The following SMURF2 variants were observed in gnomAD, a reference collection of about 807,000 sequenced individuals.
The protein encoded by SMURF2 is SMAD specific E3 ubiquitin protein ligase 2.
A neutral mutation model predicts 109.6 loss-of-function variants in SMURF2; 48 were observed. The observed-to-expected ratio is 0.44, with a 90% CI of 0.35 to 0.56. The LOEUF is 0.56. Ranked by LOEUF, SMURF2 falls within the 20% of genes least tolerant of loss-of-function variation. The probability of loss-of-function intolerance (pLI) is 0.01; values close to 1 mark genes in which losing one functional copy is unlikely to be tolerated. For missense variants in SMURF2, 575 were observed against 909.0 expected, an observed-to-expected ratio of 0.63 and a Z score of 4.72; for synonymous variants, 288 against 317.1, an observed-to-expected ratio of 0.91 and a Z score of 0.97.
intron 10 of SMURF2, among the ~76,000 whole-genome samples, chr17:64,568,560 T>A (rs1240644035): frequency 6.6e-6 from 1 of 152,174 alleles, no homozygotes; most frequent in Non-Finnish European, 1.5e-5. Flanking sequence ...CACGTCTTCT[T>A]AAGTAATTCA....
intron 1 of SMURF2, among the ~76,000 whole-genome samples, chr17:64,625,455 A>T (rs1485374916): frequency 2.0e-5 from 3 of 152,236 alleles, no homozygotes; most frequent in Non-Finnish European, 4.4e-5. Context: ...TGTTCAAAAA[A>T]TTGCTATGCA....
intron 1 of SMURF2, among the ~76,000 whole-genome samples, chr17:64,636,829 C>A (rs578246162): frequency 6.6e-6 from 1 of 151,242 alleles, no homozygotes; most frequent in Admixed American, 6.6e-5. Context: ...TATACTAGAC[C>A]CTTATCAGGT....
intron 3 of SMURF2, among the ~76,000 whole-genome samples, chr17:64,597,418 A>T (rs1969833169): frequency 6.6e-6 from 1 of 152,110 alleles, no homozygotes; most frequent in South Asian, 2.1e-4. Flanking sequence ...TTCTAATTTT[A>T]AAAGAATTTT....
In SMURF2 at chr17:64,600,355, C is replaced by A. The variant is rs1969877328; in HGVS notation, c.92-1865G>T. On this transcript the variant is annotated intron_variant, in intron 2 of 18. Transcript: ENST00000262435. ...GGTGGAACTAAAAATGTTAGAGAGA[C>A]AAAAATGTCACTTCATGTGTTAGAC... is the stretch of plus-strand genomic sequence containing the variant. Among the ~76,000 whole-genome samples, 4 of 152,126 alleles carry A rather than the reference C, an allele frequency of 2.6e-5. No homozygotes were observed. The South Asian group carries it at 8.3e-4, about 31-fold the overall frequency.
At position 64,562,918 on chromosome 17, in the gene SMURF2, T is replaced by C. The variant is rs1969243905; in HGVS notation, c.1065A>G (p.Leu355=). ...KDQQQQQVVS[L]CPDDTECLTV... is the part of the protein sequence containing the mutation. ...TCAGGCATTCTGTGTCATCAGGACA[T>C]AACGATACCACTTGCTGTTGCTGTT... The change falls in exon 11 of 19, where the codon TTA becomes TTG. Residue 355 remains leucine, a synonymous_variant. Transcript: ENST00000262435. The C allele has an allele frequency of 6.2e-7, 1 of 1,614,166 alleles. No homozygotes were observed. The highest frequency in any genetic ancestry group is 8.5e-7 in the Non-Finnish European group (1 of 1,180,000).
intron 1 of SMURF2, 111 bp downstream of exon 1, chr17:64,661,718 G>T: frequency 2.8e-6 from 2 of 707,084 alleles, no homozygotes; most frequent in African/African-American, 1.9e-5. Context: ...CCATTCCTCC[G>T]ACCCCCAACT....
intron 2 of SMURF2, 118 bp downstream of exon 2, chr17:64,606,484 T>C: frequency 9.0e-6 from 7 of 775,418 alleles, no homozygotes; most frequent in East Asian, 2.9e-5. Flanking sequence ...GAAGCATTCA[T>C]AATAAAATAA....
At chr17:64,564,674 C>CAGT (rs1365010072) in intron 10 of SMURF2, among the ~76,000 whole-genome samples, 8 of 152,136 alleles carry the variant, frequency 5.3e-5, no homozygotes, top group Admixed American at 1.3e-4. Flanking sequence ...AATTTGTCTA[C>CAGT]AAGCCAAGGA....
intron 1 of SMURF2, among the ~76,000 whole-genome samples, chr17:64,615,958 T>C (rs1970115056): frequency 1.3e-5 from 2 of 151,968 alleles, no homozygotes; most frequent in African/African-American, 4.8e-5. Flanking sequence ...GCCTCTCGAG[T>C]AGCTGGGATT....
At chr17:64,661,654 A>T (rs962122191) in intron 1 of SMURF2, among the ~76,000 whole-genome samples, 175 bp downstream of exon 1, 5 of 151,798 alleles carry the variant, frequency 3.3e-5, no homozygotes, top group African/African-American at 1.2e-4. Flanking sequence ...TTTTTAAACA[A>T]TGTCCAAACC....
chr17:64,549,478 T>C (rs998610301), intron 16 of SMURF2, among the ~76,000 whole-genome samples: 1 of 149,956 alleles, frequency 6.7e-6, no homozygotes, highest in Non-Finnish European at 1.5e-5. Flanking sequence ...GATTCAGGCC[T>C]GGTGCAGTGG....
intron 12 of SMURF2, 26 bp from the exon 13 acceptor site, chr17:64,557,748 AT>A: frequency 5.8e-6 from 8 of 1,373,566 alleles, no homozygotes; most frequent in South Asian, 1.2e-5. Flanking sequence ...TGACCAAGGA[AT>A]TTTTTTGTTA....
At chr17:64,642,854 G>A (rs1970509574) in intron 1 of SMURF2, among the ~76,000 whole-genome samples, 1 of 151,880 alleles carries the variant, frequency 6.6e-6, no homozygotes, top group Non-Finnish European at 1.5e-5. Flanking sequence ...CAGTGCAGTG[G>A]CACACTCATG....
chr17:64,662,136 G>C lies in SMURF2; in HGVS notation c.-256C>G, dbSNP rs998339881. 7.7e-6 allele frequency: 8 copies of C among 1,033,846 alleles called. No individual in the cohort carries two copies. The African/African-American group carries it at 1.4e-4, about 18-fold the overall frequency. The allele number at this position is 1,033,846 out of a possible 1,614,324, so 64.0% of individuals were successfully genotyped here. On this transcript the variant is annotated 5_prime_UTR_variant, in exon 1 of 19. Coordinates refer to ENST00000262435, the MANE Select transcript of SMURF2 (RefSeq NM_022739.4). ...AGCGGCAGCCGCGGCCGCCCGCGCC[G>C]CCTCCGCCCGCGCCCCCGCCGCCTC...
chr17:64,619,091 T>C (rs541303656), intron 1 of SMURF2, among the ~76,000 whole-genome samples: 18 of 152,240 alleles, frequency 1.2e-4, no homozygotes, highest in African/African-American at 3.9e-4. Context: ...GACCAGTACC[T>C]GGTACACAGC....
chr17:64,633,801 A>ACC (rs71357090), intron 1 of SMURF2, among the ~76,000 whole-genome samples: 1 of 150,690 alleles, frequency 6.6e-6, no homozygotes, highest in Admixed American at 6.6e-5. Context: ...TTAGCCCCCC[A>ACC]CCCCCCAAAA....
intron 13 of SMURF2, 74 bp from the exon 14 acceptor site, chr17:64,556,072 C>A: frequency 9.0e-7 from 1 of 1,109,216 alleles, no homozygotes; most frequent in Non-Finnish European, 1.3e-6. Flanking sequence ...AATATTTCAG[C>A]AACATTAATC....
At chr17:64,564,797 C>T (rs1404957238) in intron 10 of SMURF2, among the ~76,000 whole-genome samples, 1 of 152,156 alleles carries the variant, frequency 6.6e-6, no homozygotes, top group East Asian at 1.9e-4. Flanking sequence ...CAGCCCCTTA[C>T]CCTGTAGTTC....
chr17:64,606,653 A>T lies in SMURF2; in HGVS notation c.53-13T>A. The T allele has an allele frequency of 1.3e-6, 2 of 1,516,400 alleles. No individual in the cohort carries two copies. The highest frequency in any genetic ancestry group is 1.8e-6 in the Non-Finnish European group (2 of 1,124,346). 93.9% of individuals were successfully genotyped at this position (1,516,400 alleles called of 1,614,324 possible). The stretch of plus-strand genomic sequence containing the variant: ...TTTGCACAGAGTACTGTAAAAAAAA[A>T]AAACAAAAAATACATGGGAAAAATT... On this transcript the variant is annotated splice_polypyrimidine_tract_variant and intron_variant, in intron 1 of 18. Coordinates refer to ENST00000262435, the MANE Select transcript of SMURF2 (RefSeq NM_022739.4).
Sources: allele counts gnomAD v4.1 joint callset (sites outside exome capture counted in the v4.1 genomes callset), GRCh38; gene constraint gnomAD v4.1.1; transcripts MANE v1.5; gene names NCBI Gene and HGNC (gene_info 2026-07-23, HGNC 2026-07-21).